Variants in CLPX observed in about 807,000 individuals in gnomAD.
The protein encoded by CLPX is caseinolytic mitochondrial matrix peptidase chaperone subunit X, also known as ATP-dependent clpX-like chaperone, mitochondrial.
Under a neutral mutation model 76.4 loss-of-function variants are expected in CLPX, and 34 were observed. The ratio of observed to expected loss-of-function variants is 0.45; its 90% CI spans 0.34 to 0.59. The LOEUF is 0.59. Ranked by LOEUF, CLPX falls within the 20% of genes least tolerant of loss-of-function variation. CLPX has a pLI of 0.01. For synonymous variants in CLPX, 248 were observed against 270.9 expected (o/e 0.92, Z 0.83); for missense variants, 613 against 757.0 (o/e 0.81, Z 2.23).
At chr15:65,168,052 C>T (rs1014843111) in intron 3 of CLPX, among the ~76,000 whole-genome samples, 1 of 151,738 alleles carries the variant, frequency 6.6e-6, no homozygotes, top group Admixed American at 6.6e-5. Flanking sequence ...GAAAGCAATA[C>T]AAAGGTAGTT....
At chr15:65,150,935 G>GT (rs767984845) in intron 13 of CLPX, 22 bp from the exon 14 acceptor site, 7 of 1,535,620 alleles carry the variant, frequency 4.6e-6, no homozygotes, top group Non-Finnish European at 6.2e-6. Flanking sequence ...AGCCATGTTT[G>GT]TTTTTTTAAA....
In CLPX at chr15:65,166,690, ATT is replaced by A; in HGVS notation, c.452_453del (p.Glu151ValfsTer19). ...DSKKSIIKEP[E>X]SAAEAVKLAF... ...GCCAATTTTACAGCTTCTGCTGCTG[ATT>A]CAGGTTCTTTAATTATGCTTTTCTT... On this transcript the variant is annotated frameshift_variant, in exon 4 of 14. Transcript: ENST00000300107. LOFTEE classifies it high-confidence loss of function. 6.2e-7 allele frequency: 1 copy of A among 1,614,128 alleles called. No individual in the cohort carries two copies.
intron 8 of CLPX, 112 bp downstream of exon 8, chr15:65,157,634 T>C (rs1016043750): frequency 1.9e-6 from 2 of 1,037,214 alleles, no homozygotes; most frequent in South Asian, 1.8e-5. Flanking sequence ...GGTACTTTTA[T>C]ATAATTACAG....
At chr15:65,162,551 A>T in intron 6 of CLPX, 53 bp downstream of exon 6, 1 of 1,251,292 alleles carries the variant, frequency 8.0e-7, no homozygotes, top group Non-Finnish European at 1.2e-6. Flanking sequence ...CACTTCACTG[A>T]AATAAATGTC....
chr15:65,158,275 G>A, intron 7 of CLPX: 1 of 314,160 alleles, frequency 3.2e-6, no homozygotes, highest in South Asian at 6.9e-5. Context: ...TCCCACCTTT[G>A]TCTCCCAAAA....
chr15:65,180,014 G>A, intron 2 of CLPX, 30 bp downstream of exon 2: 2 of 1,553,490 alleles, frequency 1.3e-6, no homozygotes, highest in East Asian at 2.3e-5. Context: ...CTCACAATGT[G>A]TACAGATGCC....
At chr15:65,181,793 T>TAAATAAAG (rs2088176428) in intron 1 of CLPX, among the ~76,000 whole-genome samples, 1 of 120,802 alleles carries the variant, frequency 8.3e-6, no homozygotes. Context: ...AATAAATAAA[T>TAAATAAAG]AAAGATAGTA....
At chr15:65,183,405 A>G (rs2088204891) in intron 1 of CLPX, among the ~76,000 whole-genome samples, 1 of 147,770 alleles carries the variant, frequency 6.8e-6, no homozygotes, top group Non-Finnish European at 1.5e-5. Flanking sequence ...AGTTTGCAGT[A>G]AACTGAGATC....
At position 65,162,643 on chromosome 15, in the gene CLPX, A is replaced by T. The variant is rs1027364825; in HGVS notation, c.676T>A (p.Leu226Ile). Residue 226 changes from leucine to isoleucine, a missense_variant and splice_region_variant, in exon 6 of 14, where the codon TTA becomes ATA. This residue lies in a region of CLPX where 450 missense variants were observed against 638.6 expected (regional missense o/e 0.70). Coordinates refer to ENST00000300107, the MANE Select transcript of CLPX (RefSeq NM_006660.5). Reference sequence around the variant, plus strand: ...TCATCCTCCCGTCTTCTTATTTCTAACTCTAAGAAAGAGGATGAAAATATT... The same window carrying T: ...TCATCCTCCCGTCTTCTTATTTCTATCTCTAAGAAAGAGGATGAAAATATT... Reference protein sequence around the residue: ...EKQTSLTPRELEIRRREDEYR... With the variant: ...EKQTSLTPREIEIRRREDEYR... 3.2e-6 allele frequency: 5 copies of T among 1,572,320 alleles called. No individual in the cohort carries two copies. Among genetic ancestry groups the T allele is most frequent in the Admixed American group, 1.7e-5 (1 of 58,852 alleles).
At chr15:65,160,617 TCTCTCTCA>T (rs1248513305) in intron 6 of CLPX, among the ~76,000 whole-genome samples, 158 of 133,858 alleles carry the variant, frequency 1.2e-3, no homozygotes, top group African/African-American at 3.3e-3. Context: ...TCTCTCTCTC[TCTCTCTCA>T]CACACACACA....
chr15:65,184,981 G>T, intron 1 of CLPX, 94 bp downstream of exon 1: 1 of 1,042,832 alleles, frequency 9.6e-7, no homozygotes, highest in Non-Finnish European at 1.5e-6. Context: ...CCCGGGTGCA[G>T]CAGGCCTCGT....
chr15:65,179,907 T>C, intron 2 of CLPX, 137 bp downstream of exon 2: 1 of 519,640 alleles, frequency 1.9e-6, no homozygotes. Context: ...TCTAATTACA[T>C]AAAATTATTC....
At chr15:65,174,687 TAGG>T (rs1016345889) in intron 3 of CLPX, among the ~76,000 whole-genome samples, 21 of 152,352 alleles carry the variant, frequency 1.4e-4, no homozygotes, top group African/African-American at 5.1e-4. Flanking sequence ...TTGGCACACA[TAGG>T]AGACTAGTTC....
chr15:65,156,419 T>C (rs1390364102), intron 9 of CLPX, among the ~76,000 whole-genome samples: 1 of 152,204 alleles, frequency 6.6e-6, no homozygotes, highest in Non-Finnish European at 1.5e-5. Context: ...AGTTGGCCAA[T>C]AGATCATTGT....
In CLPX at chr15:65,153,582, G is replaced by A. The variant is rs773190880; in HGVS notation, c.1669C>T (p.Arg557Ter). The A allele has an allele frequency of 1.9e-6, 3 of 1,599,548 alleles. No homozygotes were observed. The highest frequency in any genetic ancestry group is 2.6e-6 in the Non-Finnish European group (3 of 1,174,148). ...CGAAGGCCTCGTGCACCTGTTTTTC[G>A]TTCTAGTGCCAATCTGGCTATAGCT... ...LKAIARLALE[R>*]KTGARGLRSI... Residue 557 changes from arginine (R) to a stop codon, truncating the protein, a stop_gained, in exon 12 of 14, where the codon CGA (arginine) becomes TGA (stop). Transcript: ENST00000300107. LOFTEE classifies it high-confidence loss of function.
intron 3 of CLPX, among the ~76,000 whole-genome samples, chr15:65,168,381 C>T: frequency 2.1e-4 from 1 of 4,846 alleles, no homozygotes; most frequent in South Asian, 0.029. Flanking sequence ...GAGACTCTGT[C>T]TCAAAAAAAA....
At position 65,178,917 on chromosome 15, in the gene CLPX, G is replaced by C. The variant is rs2088125530; in HGVS notation, c.358+17C>G. 1 of 1,302,244 alleles carries C rather than the reference G, an allele frequency of 7.7e-7. No homozygotes were observed. The highest frequency in any genetic ancestry group is 1.1e-6 in the Non-Finnish European group (1 of 920,080). 80.7% of individuals were successfully genotyped at this position (1,302,244 alleles called of 1,614,324 possible). A position where few individuals can be genotyped will look rare whatever the true frequency, so the allele number is the denominator to read the frequency against. On this transcript the variant is annotated intron_variant, in intron 3 of 13. Transcript: ENST00000300107. ...AAAATGTAGGGAAAAAAGAACAGTAGAAGATGTAATACTTACATACAAAGG... is the reference window on the plus strand; with the variant it reads ...AAAATGTAGGGAAAAAAGAACAGTACAAGATGTAATACTTACATACAAAGG...
At chr15:65,184,065 A>G (rs1407893239) in intron 1 of CLPX, among the ~76,000 whole-genome samples, 6 of 152,206 alleles carry the variant, frequency 3.9e-5, no homozygotes, top group Admixed American at 3.9e-4. Context: ...TTCTGTAGTA[A>G]AGAAACTGGA....
intron 3 of CLPX, 29 bp from the exon 4 acceptor site, chr15:65,166,814 G>A: frequency 6.3e-7 from 1 of 1,588,078 alleles, no homozygotes; most frequent in Non-Finnish European, 8.6e-7. Flanking sequence ...ATAAGTAGAG[G>A]GAAATAAAAA....
Sources: allele counts gnomAD v4.1 joint callset (sites outside exome capture counted in the v4.1 genomes callset), GRCh38; gene constraint gnomAD v4.1.1; regional missense constraint gnomAD v4.1.1; transcripts MANE v1.5; gene names NCBI Gene and HGNC (gene_info 2026-07-23, HGNC 2026-07-21).